Variants in HTR7 observed in about 807,000 individuals in gnomAD.
The protein encoded by HTR7 is 5-hydroxytryptamine receptor 7.
In HTR7, 16 loss-of-function variants were observed where a neutral mutation model predicts 34.0. That is an observed-to-expected ratio of 0.47 (90% CI 0.32 to 0.71). HTR7 has a LOEUF of 0.71. Ranked by LOEUF, HTR7 falls within the 30% of genes least tolerant of loss-of-function variation. The pLI, the probability that HTR7 is intolerant of heterozygous loss-of-function variation, is 0.04. For synonymous variants in HTR7, 265 were observed against 260.2 expected (o/e 1.02, Z -0.18); for missense variants, 504 against 625.5 (o/e 0.81, Z 2.07).
At chr10:90,854,668 G>C (rs1846552669) in intron 1 of HTR7, among the ~76,000 whole-genome samples, 1 of 152,152 alleles carries the variant, frequency 6.6e-6, no homozygotes, top group Admixed American at 6.5e-5. Flanking sequence ...TGAAGCCTGT[G>C]AAAAACAGTA....
intron 1 of HTR7, among the ~76,000 whole-genome samples, chr10:90,809,028 C>T (rs578104646): frequency 4.6e-5 from 7 of 152,246 alleles, no homozygotes; most frequent in Non-Finnish European, 7.4e-5. Flanking sequence ...CTTTCCCTCC[C>T]GCCTGTCCCC....
chr10:90,826,462 T>G (rs11498507), intron 1 of HTR7, among the ~76,000 whole-genome samples: 12,180 of 152,110 alleles, frequency 0.08, 509 homozygotes, highest in East Asian at 0.16. Context: ...ATAATAACAC[T>G]GTAATTGTGG....
intron 1 of HTR7, among the ~76,000 whole-genome samples, chr10:90,840,177 TCACACACACACACA>T (rs35170324): frequency 1.5e-4 from 21 of 136,884 alleles, no homozygotes; most frequent in African/African-American, 4.9e-4. Flanking sequence ...TCTCTCTCTC[TCACACACACACACA>T]CACACACACA....
At chr10:90,809,187 C>T (rs996717831) in intron 1 of HTR7, among the ~76,000 whole-genome samples, 6 of 152,314 alleles carry the variant, frequency 3.9e-5, no homozygotes, top group African/African-American at 1.4e-4. Flanking sequence ...CACCTCCCCT[C>T]CTGACACCCG....
At chr10:90,814,648 T>G (rs1345517666) in intron 1 of HTR7, among the ~76,000 whole-genome samples, 1 of 152,108 alleles carries the variant, frequency 6.6e-6, no homozygotes, top group East Asian at 1.9e-4. Flanking sequence ...GAGAGAAACA[T>G]GGGATTCATC....
At chr10:90,808,536 A>G (rs12777727) in intron 1 of HTR7, among the ~76,000 whole-genome samples, 41,581 of 150,118 alleles carry the variant, frequency 0.28, 6,154 homozygotes, top group African/African-American at 0.4. Context: ...CCTTATTTCC[A>G]CGCCCCAACC....
intron 1 of HTR7, among the ~76,000 whole-genome samples, chr10:90,796,308 C>T (rs1365923675): frequency 6.6e-6 from 1 of 152,118 alleles, no homozygotes; most frequent in Non-Finnish European, 1.5e-5. Flanking sequence ...AACAGAAGTC[C>T]CACAAAACAA....
intron 1 of HTR7, among the ~76,000 whole-genome samples, chr10:90,824,799 G>T (rs1171213197): frequency 6.6e-6 from 1 of 152,232 alleles, no homozygotes; most frequent in Admixed American, 6.5e-5. Flanking sequence ...GTGGAAGGGG[G>T]AGGGACTATT....
At chr10:90,754,436 T>G (rs1285735165) in intron 1 of HTR7, among the ~76,000 whole-genome samples, 1 of 152,168 alleles carries the variant, frequency 6.6e-6, no homozygotes, top group African/African-American at 2.4e-5. Context: ...TAACATTCCT[T>G]AAGTATGCAT....
intron 1 of HTR7, among the ~76,000 whole-genome samples, chr10:90,827,024 TCAAAA>T (rs370378147): frequency 9.4e-4 from 142 of 151,448 alleles, no homozygotes; most frequent in African/African-American, 2.8e-3. Context: ...CATAGTAACT[TCAAAA>T]CAAAACAAAA....
chr10:90,830,142 C>T (rs1004841540), intron 1 of HTR7, among the ~76,000 whole-genome samples: 3 of 152,116 alleles, frequency 2.0e-5, no homozygotes, highest in East Asian at 1.9e-4. Flanking sequence ...CCACCAATAG[C>T]GAACCTCAGT....
chr10:90,823,367 A>G (rs1043802228), intron 1 of HTR7, among the ~76,000 whole-genome samples: 1 of 152,238 alleles, frequency 6.6e-6, no homozygotes, highest in Non-Finnish European at 1.5e-5. Flanking sequence ...TGGAGCTTTA[A>G]GATGTAATGA....
At chr10:90,799,737 C>T (rs906813078) in intron 1 of HTR7, among the ~76,000 whole-genome samples, 7 of 152,158 alleles carry the variant, frequency 4.6e-5, no homozygotes, top group African/African-American at 1.7e-4. Flanking sequence ...CCCACCTTTC[C>T]ATCATCCACC....
chr10:90,788,093 T>C (rs1845408324), intron 1 of HTR7, among the ~76,000 whole-genome samples: 2 of 152,026 alleles, frequency 1.3e-5, no homozygotes, highest in Admixed American at 6.6e-5. Context: ...GTTAGCACCA[T>C]CTAGTGGAGA....
intron 2 of HTR7, among the ~76,000 whole-genome samples, chr10:90,744,297 A>G (rs10509608): frequency 0.21 from 30,983 of 149,440 alleles, 3,924 homozygotes; most frequent in African/African-American, 0.34. Flanking sequence ...AGAGACTTCA[A>G]CTGTCCCTTA....
chr10:90,828,179 C>G (rs184433048), intron 1 of HTR7, among the ~76,000 whole-genome samples: 1 of 152,030 alleles, frequency 6.6e-6, no homozygotes. Flanking sequence ...AATGGAAACA[C>G]AACATATCAA....
intron 2 of HTR7, among the ~76,000 whole-genome samples, chr10:90,747,135 T>G (rs1256689272): frequency 6.6e-6 from 1 of 152,230 alleles, no homozygotes; most frequent in Non-Finnish European, 1.5e-5. Context: ...CCTTAAGTTG[T>G]TCTTCTGAAA....
At chr10:90,766,048 T>C (rs1316351964) in intron 1 of HTR7, among the ~76,000 whole-genome samples, 2 of 152,188 alleles carry the variant, frequency 1.3e-5, no homozygotes, top group East Asian at 3.8e-4. Flanking sequence ...TGGCCTACAG[T>C]TCTGCTCATA....
chr10:90,831,925 A>G (rs1426641423), intron 1 of HTR7, among the ~76,000 whole-genome samples: 4 of 152,032 alleles, frequency 2.6e-5, no homozygotes, highest in Non-Finnish European at 4.4e-5. Context: ...GCGAGTCCCC[A>G]CCAGATTAAC....
Sources: allele counts gnomAD v4.1 joint callset (sites outside exome capture counted in the v4.1 genomes callset), GRCh38; gene constraint gnomAD v4.1.1; transcripts MANE v1.5; gene names NCBI Gene and HGNC (gene_info 2026-07-23, HGNC 2026-07-21).